The following BMPR2 variants were observed in gnomAD, a reference collection of about 807,000 sequenced individuals.
BMPR2 encodes bone morphogenetic protein receptor type 2.
BMPR2 carries 29 observed loss-of-function variants against 100.8 expected under a neutral mutation model. That is an observed-to-expected ratio of 0.29 (90% CI 0.21 to 0.39). The LOEUF is 0.39. BMPR2 is among the 10% of genes least tolerant of loss of function. The pLI, the probability that BMPR2 is intolerant of heterozygous loss-of-function variation, is 1.00. For synonymous variants in BMPR2, 382 were observed against 442.3 expected (o/e 0.86, Z 1.71); for missense variants, 1,011 against 1,274.5 (o/e 0.79, Z 3.15).
chr2:202,388,345 C>T (rs901390114), intron 1 of BMPR2, among the ~76,000 whole-genome samples: 1 of 125,110 alleles, frequency 8.0e-6, no homozygotes, highest in Non-Finnish European at 1.6e-5. Flanking sequence ...TGCAGTGAGC[C>T]GAGATTGTGT....
At chr2:202,404,787 C>T (rs997216651) in intron 1 of BMPR2, among the ~76,000 whole-genome samples, 16 of 152,192 alleles carry the variant, frequency 1.1e-4, no homozygotes, top group Admixed American at 9.8e-4. Context: ...CCTCTTCCCT[C>T]CCTGCTTTTG....
At chr2:202,507,990 G>GCACCCAGCTGAGTCTATTATT (rs1361760102) in intron 3 of BMPR2, among the ~76,000 whole-genome samples, 4 of 151,426 alleles carry the variant, frequency 2.6e-5, no homozygotes, top group Non-Finnish European at 5.9e-5. Flanking sequence ...GTGAGCCACT[G>GCACCCAGCTGAGTCTATTATT]TGCCTGTCCC....
At chr2:202,480,505 T>C (rs1367358829) in intron 3 of BMPR2, among the ~76,000 whole-genome samples, 1 of 152,206 alleles carries the variant, frequency 6.6e-6, no homozygotes, top group Non-Finnish European at 1.5e-5. Context: ...TTTTAGCTCT[T>C]ACATTTAGGT....
At chr2:202,441,457 C>G (rs1460804058) in intron 1 of BMPR2, among the ~76,000 whole-genome samples, 2 of 149,166 alleles carry the variant, frequency 1.3e-5, no homozygotes, top group South Asian at 4.2e-4. Flanking sequence ...GTAATCCCAG[C>G]ACTTTGGGAG....
At chr2:202,411,322 A>G (rs1307703801) in intron 1 of BMPR2, among the ~76,000 whole-genome samples, 1 of 152,248 alleles carries the variant, frequency 6.6e-6, no homozygotes, top group African/African-American at 2.4e-5. Flanking sequence ...ATCAGGCAGC[A>G]TCCCATCTAA....
intron 2 of BMPR2, among the ~76,000 whole-genome samples, chr2:202,465,234 C>A (rs759483734): frequency 6.6e-6 from 1 of 151,838 alleles, no homozygotes; most frequent in East Asian, 1.9e-4. Flanking sequence ...ACTAAAAATA[C>A]AAAAATTAGT....
rs779465454 is a variant in BMPR2 at position 202,555,351 on chromosome 2, C to T, written c.1686C>T (p.Ile562=). The part of the protein sequence containing the change: ...IEDSIHHTDS[I]VKNISSEHSM... ...ACTCTATCCATCATACTGACAGCAT[C>T]GTGAAGAATATTTCCTCTGAGCATT... The change falls in exon 12 of 13, where the codon ATC becomes ATT. Residue 562 remains isoleucine, a synonymous_variant. Coordinates refer to ENST00000374580, the MANE Select transcript of BMPR2 (RefSeq NM_001204.7). The T allele has an allele frequency of 3.7e-6, 6 of 1,614,074 alleles. No homozygotes were observed. Among genetic ancestry groups the T allele is most frequent in the African/African-American group, 1.3e-5 (1 of 75,034 alleles).
At chr2:202,498,566 G>C (rs367742164) in intron 3 of BMPR2, among the ~76,000 whole-genome samples, 1 of 152,140 alleles carries the variant, frequency 6.6e-6, no homozygotes, top group Non-Finnish European at 1.5e-5. Flanking sequence ...TCCAGGGACC[G>C]TTGCGAGTTC....
rs540857223 is a variant in BMPR2 at position 202,396,735 on chromosome 2, A to T, written c.76+19185A>T. ...TGCTTGGATTTTTTGGATTTTACAG[A>T]TACAGCAACAATGTATTTCATTGAT... On this transcript the variant is annotated intron_variant, in intron 1 of 12. Coordinates refer to ENST00000374580, the MANE Select transcript of BMPR2 (RefSeq NM_001204.7). Among the ~76,000 whole-genome samples, 6 of 152,330 alleles carry T rather than the reference A, an allele frequency of 3.9e-5. No homozygotes were observed. The South Asian group carries it at 1.0e-3, about 26-fold the overall frequency.
At chr2:202,438,814 G>C (rs1296822949) in intron 1 of BMPR2, among the ~76,000 whole-genome samples, 1 of 150,468 alleles carries the variant, frequency 6.6e-6, no homozygotes, top group African/African-American at 2.5e-5. Flanking sequence ...CCATTCCATT[G>C]ATGTGCATGT....
chr2:202,409,339 C>CT (rs1272132339), intron 1 of BMPR2, among the ~76,000 whole-genome samples: 2 of 152,066 alleles, frequency 1.3e-5, no homozygotes, highest in African/African-American at 4.8e-5. Flanking sequence ...GAGCAAGACT[C>CT]TGTCTCAAAA....
chr2:202,419,089 G>A (rs971535867), intron 1 of BMPR2, among the ~76,000 whole-genome samples: 1 of 152,182 alleles, frequency 6.6e-6, no homozygotes, highest in African/African-American at 2.4e-5. Flanking sequence ...AGGTCCCTCA[G>A]ATAGAAATTT....
intron 1 of BMPR2, among the ~76,000 whole-genome samples, chr2:202,392,946 C>G (rs531746223): frequency 2.1e-5 from 3 of 143,704 alleles, no homozygotes; most frequent in Non-Finnish European, 4.5e-5. Context: ...GAGCCGAGAT[C>G]GTGCCATTGA....
At chr2:202,544,732 C>T (rs1219823671) in intron 10 of BMPR2, among the ~76,000 whole-genome samples, 1 of 147,348 alleles carries the variant, frequency 6.8e-6, no homozygotes, top group Non-Finnish European at 1.5e-5. Context: ...TTCTTAAATT[C>T]AGAGGAATTT....
intron 10 of BMPR2, among the ~76,000 whole-genome samples, chr2:202,545,141 C>T (rs1442587329): frequency 1.3e-5 from 2 of 152,016 alleles, no homozygotes; most frequent in Non-Finnish European, 2.9e-5. Context: ...TACCACCTGA[C>T]ATTCTAAGAA....
Position 202,564,672 on chromosome 2 carries a change from TC to T in BMPR2, c.*4727del, listed in dbSNP as rs986014349. 9.2e-5 allele frequency: 14 copies of T among 152,212 alleles called. No homozygotes were observed. Among genetic ancestry groups the T allele is most frequent in the African/African-American group, 3.4e-4 (14 of 41,470 alleles). The allele number at this position is 152,212 out of a possible 1,614,324, so 9.4% of individuals were successfully genotyped here. ...AAATTTGTTATCAAGAGAAGGCTTT[TC>T]TACAAGTTTCCAGATTAACATAAAG... On this transcript the variant is annotated 3_prime_UTR_variant, in exon 13 of 13. Coordinates refer to ENST00000374580, the MANE Select transcript of BMPR2 (RefSeq NM_001204.7).
At chr2:202,537,788 T>C (rs1381771430) in intron 9 of BMPR2, among the ~76,000 whole-genome samples, 1 of 151,472 alleles carries the variant, frequency 6.6e-6, no homozygotes, top group Non-Finnish European at 1.5e-5. Flanking sequence ...TGGGAGAAAA[T>C]GCAGAGAAGA....
At chr2:202,482,777 G>A (rs992249012) in intron 3 of BMPR2, among the ~76,000 whole-genome samples, 1 of 152,124 alleles carries the variant, frequency 6.6e-6, no homozygotes, top group Non-Finnish European at 1.5e-5. Flanking sequence ...CTGACCTTGT[G>A]ATTCACCTGC....
chr2:202,382,208 C>T (rs766180883), intron 1 of BMPR2, among the ~76,000 whole-genome samples: 11 of 151,868 alleles, frequency 7.2e-5, no homozygotes, highest in Non-Finnish European at 1.2e-4. Flanking sequence ...TATAGGTGTG[C>T]ACCATCATGC....
Sources: gnomAD v4.1 joint callset for allele counts (sites outside exome capture counted in the v4.1 genomes callset) on GRCh38, gnomAD v4.1.1 for gene constraint, MANE v1.5 for transcripts, NCBI Gene and HGNC (gene_info 2026-07-23, HGNC 2026-07-21) for gene names.